The following TLE1 variants were observed in gnomAD, a reference collection of about 807,000 sequenced individuals.
The protein encoded by TLE1 is transducin-like enhancer protein 1.
Under a neutral mutation model 89.8 loss-of-function variants are expected in TLE1, and 21 were observed. That is an observed-to-expected ratio of 0.23 (90% CI 0.17 to 0.34). TLE1 has a LOEUF of 0.34. Among genes scored for constraint, TLE1 ranks in the 10% least tolerant of loss-of-function variants. TLE1 has a pLI of 1.00. For missense variants in TLE1, 795 were observed against 1,031.2 expected, an observed-to-expected ratio of 0.77 and a Z score of 3.14; for synonymous variants, 447 against 407.6, an observed-to-expected ratio of 1.10 and a Z score of -1.16.
At chr9:81,618,240 T>A (rs1397903677) in intron 9 of TLE1, among the ~76,000 whole-genome samples, 1 of 152,174 alleles carries the variant, frequency 6.6e-6, no homozygotes, top group Non-Finnish European at 1.5e-5. Flanking sequence ...TCTAAACAAT[T>A]CTCTTACTGA....
intron 16 of TLE1, among the ~76,000 whole-genome samples, chr9:81,588,475 T>C (rs1318671903): frequency 6.6e-6 from 1 of 152,148 alleles, no homozygotes; most frequent in Admixed American, 6.5e-5. Flanking sequence ...TCAGAGGCAT[T>C]GGGCAGAGAC....
chr9:81,686,638 G>A (rs1339848941), intron 2 of TLE1, among the ~76,000 whole-genome samples: 2 of 152,170 alleles, frequency 1.3e-5, no homozygotes, highest in African/African-American at 4.8e-5. Context: ...AAACTTCATA[G>A]GAACAAGGGA....
chr9:81,587,907 CGTGTGTGTGTGTGTGTGT>C lies in TLE1; in HGVS notation c.1830-97_1830-80del, dbSNP rs71496083. On this transcript the variant is annotated intron_variant, in intron 16 of 19. Coordinates refer to ENST00000376499, the MANE Select transcript of TLE1 (RefSeq NM_005077.5). ...CACTGTTGTGTTGTTAGTTTTGGACCGTGTGTGTGTGTGTGTGTGTGTGTGTGTGTGTGTGTGTGATCC... is the reference window on the plus strand; with the variant it reads ...CACTGTTGTGTTGTTAGTTTTGGACCGTGTGTGTGTGTGTGTGTGTGATCC... The C allele has an allele frequency of 7.8e-3, 5,842 of 751,898 alleles. 65 individuals are homozygous for C. Among genetic ancestry groups the C allele is most frequent in the Non-Finnish European group, 8.6e-3 (4,390 of 510,588 alleles). 46.6% of individuals were successfully genotyped at this position (751,898 alleles called of 1,614,324 possible). A position where few individuals can be genotyped will look rare whatever the true frequency, so the allele number is the denominator to read the frequency against.
intron 11 of TLE1, among the ~76,000 whole-genome samples, 194 bp downstream of exon 11, chr9:81,615,788 C>T (rs1193548225): frequency 2.6e-5 from 4 of 151,376 alleles, no homozygotes; most frequent in Non-Finnish European, 5.9e-5. Flanking sequence ...TAATCATGGC[C>T]GAAAAGAGAT....
intron 12 of TLE1, among the ~76,000 whole-genome samples, chr9:81,613,132 C>T (rs540065946): frequency 3.0e-4 from 46 of 152,248 alleles, no homozygotes; most frequent in African/African-American, 9.4e-4. Context: ...GGGACAAGAG[C>T]GAGACTTCGT....
chr9:81,655,725 TCCATGA>T (rs1263306503), intron 4 of TLE1, among the ~76,000 whole-genome samples: 2 of 151,376 alleles, frequency 1.3e-5, no homozygotes, highest in African/African-American at 4.9e-5. Context: ...AAGCACGCAG[TCCATGA>T]CCTTGAGAAA....
At chr9:81,669,777 G>A (rs1012591273) in intron 4 of TLE1, among the ~76,000 whole-genome samples, 1 of 152,168 alleles carries the variant, frequency 6.6e-6, no homozygotes, top group Non-Finnish European at 1.5e-5. Flanking sequence ...GGAACCCAGA[G>A]TCTAATCATC....
chr9:81,631,269 G>A (rs1028899680), intron 8 of TLE1, among the ~76,000 whole-genome samples: 3 of 152,156 alleles, frequency 2.0e-5, no homozygotes, highest in African/African-American at 2.4e-5. Flanking sequence ...TTAAGTACTT[G>A]CATATATTTT....
chr9:81,688,132 T>C (rs1315319418), intron 1 of TLE1, 85 bp downstream of exon 1: 1 of 1,552,370 alleles, frequency 6.4e-7, no homozygotes, highest in Admixed American at 1.8e-5. Context: ...CCGCCGGGCC[T>C]CAGAAGCCAC....
At chr9:81,589,193 T>C (rs1233676202) in intron 16 of TLE1, among the ~76,000 whole-genome samples, 3 of 152,098 alleles carry the variant, frequency 2.0e-5, no homozygotes, top group Non-Finnish European at 4.4e-5. Context: ...GCTCTGGAAA[T>C]CCAGTGACCC....
chr9:81,616,555 G>C, intron 10 of TLE1, 91 bp downstream of exon 10: 1 of 1,394,376 alleles, frequency 7.2e-7, no homozygotes, highest in Non-Finnish European at 1.0e-6. Flanking sequence ...CCCCCACCGA[G>C]GGGCTCTACT....
chr9:81,659,229 T>C (rs1259189723), intron 4 of TLE1, among the ~76,000 whole-genome samples: 2 of 152,148 alleles, frequency 1.3e-5, no homozygotes, highest in Admixed American at 6.5e-5. Flanking sequence ...CTCCTGCCCA[T>C]GCTTCTATTC....
At chr9:81,595,827 A>T (rs1355548687) in intron 14 of TLE1, among the ~76,000 whole-genome samples, 2 of 151,938 alleles carry the variant, frequency 1.3e-5, no homozygotes, top group Admixed American at 1.3e-4. Context: ...AAAAAAAAAA[A>T]AAAAAATTAA....
At chr9:81,587,566 C>G in intron 17 of TLE1, 115 bp downstream of exon 17, 1 of 1,356,026 alleles carries the variant, frequency 7.4e-7, no homozygotes, top group Non-Finnish European at 9.7e-7. Context: ...AAATTCAGCC[C>G]TGATCTGTTT....
At chr9:81,662,716 A>G (rs1010270140) in intron 4 of TLE1, among the ~76,000 whole-genome samples, 4 of 151,610 alleles carry the variant, frequency 2.6e-5, no homozygotes, top group Non-Finnish European at 4.4e-5. Context: ...AAAAATTAGC[A>G]AAGTGGCCAA....
intron 14 of TLE1, among the ~76,000 whole-genome samples, chr9:81,596,695 T>C (rs1830264555): frequency 6.6e-6 from 1 of 152,162 alleles, no homozygotes; most frequent in South Asian, 2.1e-4. Context: ...GACATGGAAA[T>C]GACCGCATTT....
chr9:81,592,261 G>C (rs1829649827), intron 15 of TLE1, among the ~76,000 whole-genome samples: 1 of 152,244 alleles, frequency 6.6e-6, no homozygotes, highest in Non-Finnish European at 1.5e-5. Context: ...GGGAGGCTGA[G>C]GCAGGAGAAC....
chr9:81,665,792 C>A (rs1027144317), intron 4 of TLE1, among the ~76,000 whole-genome samples: 5 of 151,968 alleles, frequency 3.3e-5, no homozygotes, highest in Non-Finnish European at 7.4e-5. Flanking sequence ...GGTTCTCCTT[C>A]CTGCAATGAT....
intron 4 of TLE1, among the ~76,000 whole-genome samples, chr9:81,668,570 T>C (rs974223988): frequency 3.3e-5 from 5 of 151,934 alleles, no homozygotes; most frequent in African/African-American, 1.2e-4. Flanking sequence ...GGAATCTAAG[T>C]AAGAGAAAAA....
Sources: allele counts gnomAD v4.1 joint callset (sites outside exome capture counted in the v4.1 genomes callset), GRCh38; gene constraint gnomAD v4.1.1; transcripts MANE v1.5; gene names NCBI Gene and HGNC (gene_info 2026-07-23, HGNC 2026-07-21).